The following CAMK2D variants were observed in gnomAD, a reference collection of about 807,000 sequenced individuals.
CAMK2D encodes calcium/calmodulin-dependent protein kinase type II subunit delta.
CAMK2D carries 37 observed loss-of-function variants against 84.0 expected under a neutral mutation model. The observed-to-expected ratio is 0.44, with a 90% CI of 0.34 to 0.58. The LOEUF (loss-of-function observed/expected upper bound fraction) is 0.58. Among genes scored for constraint, CAMK2D ranks in the 20% least tolerant of loss-of-function variants. CAMK2D has a pLI of 0.02. For synonymous variants in CAMK2D, 202 were observed against 212.5 expected, an observed-to-expected ratio of 0.95 and a Z score of 0.43; for missense variants, 448 against 652.5, an observed-to-expected ratio of 0.69 and a Z score of 3.41.
chr4:113,552,339 G>A (rs1053075149), intron 4 of CAMK2D, among the ~76,000 whole-genome samples: 1 of 152,052 alleles, frequency 6.6e-6, no homozygotes, highest in Non-Finnish European at 1.5e-5. Flanking sequence ...AATATAGTAG[G>A]CAATATCTTT....
intron 3 of CAMK2D, among the ~76,000 whole-genome samples, chr4:113,626,181 T>C (rs565145090): frequency 2.3e-4 from 35 of 152,246 alleles, no homozygotes; most frequent in African/African-American, 7.9e-4. Flanking sequence ...GTCAATGTCC[T>C]CAGTAACTGG....
chr4:113,497,407 C>T (rs1264054504), intron 16 of CAMK2D, among the ~76,000 whole-genome samples: 1 of 152,176 alleles, frequency 6.6e-6, no homozygotes, highest in Non-Finnish European at 1.5e-5. Flanking sequence ...GACATGATTT[C>T]TCAATGGAAA....
At chr4:113,463,655 CG>C (rs2097420846) in intron 17 of CAMK2D, among the ~76,000 whole-genome samples, 1 of 152,288 alleles carries the variant, frequency 6.6e-6, no homozygotes, top group South Asian at 2.1e-4. Context: ...GGATTACAGG[CG>C]TGAGACATCG....
chr4:113,656,440 T>C (rs1193834193), intron 3 of CAMK2D, among the ~76,000 whole-genome samples: 1 of 152,164 alleles, frequency 6.6e-6, no homozygotes, highest in Non-Finnish European at 1.5e-5. Flanking sequence ...GATTCTGATA[T>C]CCTGACTGAA....
chr4:113,714,768 T>C (rs2099508451), intron 2 of CAMK2D, among the ~76,000 whole-genome samples: 1 of 152,126 alleles, frequency 6.6e-6, no homozygotes, highest in South Asian at 2.1e-4. Context: ...TGGGTCTCCA[T>C]TTTTCTTGTG....
chr4:113,751,349 A>G lies in CAMK2D; in HGVS notation c.160+7971T>C, dbSNP rs369521999. The stretch of plus-strand genomic sequence containing the variant: ...AAACACTAATAGCATAATGTGGCAT[A>G]TATCAACTATCCACAATTTCTTTAT... On this transcript the variant is annotated intron_variant, in intron 2 of 20. Coordinates refer to ENST00000511664, the MANE Select transcript of CAMK2D (RefSeq NM_001321571.2). 2.6e-5 allele frequency among the ~76,000 whole-genome samples: 4 copies of G among 152,346 alleles called. No individual in the cohort carries two copies. In the East Asian group the frequency reaches 7.7e-4, roughly 29 times the overall value.
rs1429096050 is a variant in CAMK2D, at chr4:113,454,468, A to G, written c.*77T>C. On this transcript the variant is annotated 3_prime_UTR_variant, in exon 21 of 21. Coordinates refer to ENST00000511664, the MANE Select transcript of CAMK2D (RefSeq NM_001321571.2). The stretch of plus-strand genomic sequence containing the variant: ...AGAGGACGGCCCAGGGTCACCATCC[A>G]GGTGCCTTGAGAACAGAGAATGCAG... 3 of 778,486 alleles carry G rather than the reference A, an allele frequency of 3.9e-6. No homozygotes were observed. Among genetic ancestry groups the G allele is most frequent in the Non-Finnish European group, 7.2e-6 (3 of 416,484 alleles). The allele number at this position is 778,486 out of a possible 1,614,324, so 48.2% of individuals were successfully genotyped here.
chr4:113,713,552 C>A (rs1360716438), intron 2 of CAMK2D, among the ~76,000 whole-genome samples: 1 of 148,396 alleles, frequency 6.7e-6, no homozygotes, highest in Non-Finnish European at 1.5e-5. Context: ...TAATATGACT[C>A]TTTAATAATA....
chr4:113,486,255 T>C (rs1202059561), intron 16 of CAMK2D, among the ~76,000 whole-genome samples: 1 of 151,972 alleles, frequency 6.6e-6, no homozygotes, highest in Non-Finnish European at 1.5e-5. Flanking sequence ...CTCGAGTAGG[T>C]GGGACTACAG....
At position 113,719,859 on chromosome 4, in the gene CAMK2D, C is replaced by A. The variant is rs113446313; in HGVS notation, c.160+39461G>T. Among the ~76,000 whole-genome samples the A allele has an allele frequency of 5.9e-5, 9 of 151,990 alleles. 1 individual carries two copies. Among genetic ancestry groups the A allele is most frequent in the African/African-American group, 2.2e-4 (9 of 41,458 alleles). On this transcript the variant is annotated intron_variant, in intron 2 of 20. Coordinates refer to ENST00000511664, the MANE Select transcript of CAMK2D (RefSeq NM_001321571.2). Reference sequence around the variant, plus strand: ...TCTAAAACATCACCTAAAATGTAACCGAATAGAAAGATACAGAACTCAGAG... The same window carrying A: ...TCTAAAACATCACCTAAAATGTAACAGAATAGAAAGATACAGAACTCAGAG...
chr4:113,487,790 CT>C (rs1218880939), intron 16 of CAMK2D, among the ~76,000 whole-genome samples: 1 of 151,850 alleles, frequency 6.6e-6, no homozygotes, highest in Non-Finnish European at 1.5e-5. Flanking sequence ...CTTTCTGTGA[CT>C]GCTTGAATAG....
chr4:113,507,312 G>A (rs1260451192), intron 13 of CAMK2D, among the ~76,000 whole-genome samples: 1 of 151,518 alleles, frequency 6.6e-6, no homozygotes, highest in Non-Finnish European at 1.5e-5. Context: ...GTGCCATGGC[G>A]CGATCTCGGC....
chr4:113,686,062 C>CAA (rs111982570), intron 2 of CAMK2D, among the ~76,000 whole-genome samples: 2 of 116,016 alleles, frequency 1.7e-5, no homozygotes. Context: ...GATTCTGTCT[C>CAA]AAAAAAAAAA....
chr4:113,657,971 G>A lies in CAMK2D; in HGVS notation c.220+3742C>T, dbSNP rs78065701. Among the ~76,000 whole-genome samples the A allele has an allele frequency of 9.2e-3, 1,407 of 152,224 alleles. 29 individuals carry two copies. The highest frequency in any genetic ancestry group is 0.032 in the African/African-American group (1,336 of 41,534). On this transcript the variant is annotated intron_variant, in intron 3 of 20. Transcript: ENST00000511664. ...TAGATATCATATTACCTATGTCAGG[G>A]AAATCAAGAGCAAATGCTGTTTTCC...
At chr4:113,567,984 A>G (rs2098733774) in intron 4 of CAMK2D, among the ~76,000 whole-genome samples, 1 of 152,234 alleles carries the variant, frequency 6.6e-6, no homozygotes, top group African/African-American at 2.4e-5. Context: ...GTAATTAACA[A>G]TAGCTTGATA....
intron 16 of CAMK2D, among the ~76,000 whole-genome samples, chr4:113,471,817 C>G (rs1299241009): frequency 2.0e-5 from 3 of 151,702 alleles, no homozygotes; most frequent in Non-Finnish European, 4.4e-5. Flanking sequence ...TTTCTAGTCC[C>G]CCTCCTCTCA....
At chr4:113,752,805 T>C (rs1357375340) in intron 2 of CAMK2D, among the ~76,000 whole-genome samples, 1 of 152,162 alleles carries the variant, frequency 6.6e-6, no homozygotes, top group Non-Finnish European at 1.5e-5. Flanking sequence ...GGAGGGACTG[T>C]CTGAAACTTC....
At chr4:113,686,502 C>T (rs895954512) in intron 2 of CAMK2D, among the ~76,000 whole-genome samples, 1 of 152,104 alleles carries the variant, frequency 6.6e-6, no homozygotes, top group African/African-American at 2.4e-5. Flanking sequence ...ATAATTCAAA[C>T]ATTTCTTTAG....
chr4:113,513,785 T>C lies in CAMK2D; in HGVS notation c.903+45A>G, dbSNP rs1422015596. 5.8e-6 allele frequency: 5 copies of C among 862,874 alleles called. No homozygotes were observed. The East Asian group carries it at 1.2e-4, about 21-fold the overall frequency. The allele number at this position is 862,874 out of a possible 1,614,324, so 53.5% of individuals were successfully genotyped here. On this transcript the variant is annotated intron_variant, in intron 11 of 20. Transcript: ENST00000511664. The stretch of plus-strand genomic sequence containing the variant: ...TTTCCTCACACAGTATTTCACTTCT[T>C]AGTCTGTCAAATCTACCTCCCCATA...
Sources: gnomAD v4.1 joint callset for allele counts (sites outside exome capture counted in the v4.1 genomes callset) on GRCh38, gnomAD v4.1.1 for gene constraint, MANE v1.5 for transcripts, NCBI Gene and HGNC (gene_info 2026-07-23, HGNC 2026-07-21) for gene names.